Variants in RDX observed in about 807,000 individuals in gnomAD.
RDX encodes the protein deafness, autosomal recessive 24.
In RDX, 32 loss-of-function variants were observed where a neutral mutation model predicts 83.7. The ratio of observed to expected loss-of-function variants is 0.38; its 90% confidence interval spans 0.29 to 0.51. The LOEUF is 0.51. Among genes scored for constraint, RDX ranks in the 20% least tolerant of loss-of-function variants. RDX has a pLI of 0.87. For missense variants in RDX, 600 were observed against 689.9 expected (o/e 0.87, Z 1.46); for synonymous variants, 229 against 222.7 (o/e 1.03, Z -0.25).
chr11:110,231,535 G>A lies in RDX; in HGVS notation c.*334C>T. The A allele has an allele frequency of 3.1e-6, 1 of 325,534 alleles. No homozygotes were observed. Among genetic ancestry groups the A allele is most frequent in the Admixed American group, 4.2e-5 (1 of 23,804 alleles). The allele number at this position is 325,534 out of a possible 1,614,324, so 20.2% of individuals were successfully genotyped here. A position where few individuals can be genotyped will look rare whatever the true frequency, so the allele number is the denominator to read the frequency against. On this transcript the variant is annotated 3_prime_UTR_variant, in exon 14 of 14. Coordinates refer to ENST00000645495, the MANE Select transcript of RDX (RefSeq NM_002906.4). Reference sequence around the variant, plus strand: ...AATGTTCACCATTATCCTTTAAAATGTACACAGAACTGAAACCACACATAC... The same window carrying A: ...AATGTTCACCATTATCCTTTAAAATATACACAGAACTGAAACCACACATAC...
At chr11:110,241,421 G>A (rs537207889) in intron 10 of RDX, among the ~76,000 whole-genome samples, 22 of 151,872 alleles carry the variant, frequency 1.4e-4, no homozygotes, top group African/African-American at 4.3e-4. Flanking sequence ...CTCAGCCTCC[G>A]GAGTAGCTGG....
At chr11:110,252,063 G>A (rs1859361186) in intron 9 of RDX, among the ~76,000 whole-genome samples, 1 of 152,138 alleles carries the variant, frequency 6.6e-6, no homozygotes, top group Non-Finnish European at 1.5e-5. Flanking sequence ...GTAAAGCAGG[G>A]AATAAATGAC....
chr11:110,264,978 G>C, intron 3 of RDX, 104 bp from the exon 4 acceptor site: 1 of 735,074 alleles, frequency 1.4e-6, no homozygotes, highest in South Asian at 1.8e-5. Context: ...GTAAGTATAC[G>C]TATATTCCTT....
intron 15 of RDX, among the ~76,000 whole-genome samples, chr11:110,188,053 G>A (rs1832584097): frequency 6.6e-6 from 1 of 152,168 alleles, no homozygotes; most frequent in South Asian, 2.1e-4. Flanking sequence ...CAGAACTTTG[G>A]GAGGCCGAGG....
chr11:110,199,956 C>A (rs1475296496), intron 14 of RDX, among the ~76,000 whole-genome samples: 3 of 152,140 alleles, frequency 2.0e-5, no homozygotes, highest in African/African-American at 4.8e-5. Flanking sequence ...AGTGCAGCAA[C>A]TCTACACAAG....
At chr11:110,199,105 G>A (rs576855655) in intron 15 of RDX, among the ~76,000 whole-genome samples, 3 of 152,120 alleles carry the variant, frequency 2.0e-5, no homozygotes, top group South Asian at 2.1e-4. Context: ...ATGAGCTACC[G>A]CACCAGGCCT....
At chr11:110,294,030 C>G (rs906026252) in intron 1 of RDX, among the ~76,000 whole-genome samples, 1 of 152,202 alleles carries the variant, frequency 6.6e-6, no homozygotes, top group Non-Finnish European at 1.5e-5. Flanking sequence ...AGATTGAGAA[C>G]TGAAAGCAAA....
At chr11:110,295,987 G>A (rs1194141416) in intron 1 of RDX, among the ~76,000 whole-genome samples, 3 of 152,114 alleles carry the variant, frequency 2.0e-5, no homozygotes, top group African/African-American at 4.8e-5. Context: ...ACTGGAGGCC[G>A]GGGAACAAGT....
Position 110,229,607 on chromosome 11 carries a change from T to C in RDX, c.*2262A>G, listed in dbSNP as rs1864547200. On this transcript the variant is annotated 3_prime_UTR_variant, in exon 14 of 14. Coordinates refer to ENST00000645495, the MANE Select transcript of RDX (RefSeq NM_002906.4). The stretch of plus-strand genomic sequence containing the variant: ...TATTTTTACATTGACTATATGAACA[T>C]GTGCTCGCGACTGCTAATAAGTTAT... 6.6e-6 allele frequency: 1 copy of C among 152,532 alleles called. No individual in the cohort carries two copies. The highest frequency in any genetic ancestry group is 2.1e-4 in the South Asian group (1 of 4,830). 9.4% of individuals were successfully genotyped at this position (152,532 alleles called of 1,614,324 possible).
rs752109745 is a variant in RDX at position 110,236,143 on chromosome 11, C to T, written c.1300G>A (p.Ala434Thr). The change falls in exon 12 of 14, where the codon GCC becomes ACC. Residue 434 changes from alanine to threonine, a missense_variant. Physicochemically the swap from Ala to Thr is moderately conservative, Grantham distance 58 (BLOSUM62 0). Transcript: ENST00000645495. The part of the protein sequence containing the change: ...FTAKIALLEE[A>T]KKKKEEEATE... ...GCTTCCTCTTCCTTTTTCTTCTTGGCTTCCTCTAGAAGTGCAATCTTGGCA... is the reference window on the plus strand; with the variant it reads ...GCTTCCTCTTCCTTTTTCTTCTTGGTTTCCTCTAGAAGTGCAATCTTGGCA... The T allele has an allele frequency of 2.5e-6, 4 of 1,612,434 alleles. No homozygotes were observed. The highest frequency in any genetic ancestry group is 3.4e-6 in the Non-Finnish European group (4 of 1,179,892).
chr11:110,211,945 A>T (rs1863853676), intron 14 of RDX, among the ~76,000 whole-genome samples: 1 of 145,194 alleles, frequency 6.9e-6, no homozygotes, highest in Non-Finnish European at 1.5e-5. Context: ...AAGAGCAAAC[A>T]CATTCAAAAG....
chr11:110,224,047 G>GAA (rs930128420), intron 14 of RDX, among the ~76,000 whole-genome samples: 16 of 152,014 alleles, frequency 1.1e-4, no homozygotes, highest in Admixed American at 1.0e-3. Context: ...AAAAAGAAAA[G>GAA]AAAGAAATCT....
chr11:110,270,968 G>A (rs909061685), intron 3 of RDX, among the ~76,000 whole-genome samples: 7 of 152,028 alleles, frequency 4.6e-5, no homozygotes, highest in South Asian at 2.1e-4. Flanking sequence ...TCACAAACAG[G>A]AGGCACAGAA....
chr11:110,201,860 G>A (rs548488542), intron 14 of RDX, among the ~76,000 whole-genome samples: 2 of 151,164 alleles, frequency 1.3e-5, no homozygotes, highest in Non-Finnish European at 2.9e-5. Context: ...CAGCTTCCCA[G>A]GTAGCTGGGA....
chr11:110,266,897 T>A (rs955366386), intron 3 of RDX, among the ~76,000 whole-genome samples: 3 of 151,270 alleles, frequency 2.0e-5, no homozygotes, highest in Non-Finnish European at 4.4e-5. Flanking sequence ...CCTTGGTTTG[T>A]TTGTTTGTTT....
At chr11:110,205,003 G>A (rs1863551052) in intron 14 of RDX, among the ~76,000 whole-genome samples, 1 of 152,132 alleles carries the variant, frequency 6.6e-6, no homozygotes, top group Non-Finnish European at 1.5e-5. Flanking sequence ...ATCAAGACTT[G>A]TTAAAAAGCA....
At chr11:110,201,904 TG>T (rs2134239580) in intron 14 of RDX, among the ~76,000 whole-genome samples, 1 of 3,150 alleles carries the variant, frequency 3.2e-4, no homozygotes, top group East Asian at 0.015. Context: ...CGGCTAATTT[TG>T]TGTGTGTGTG....
At position 110,237,599 on chromosome 11, in the gene RDX, C is replaced by T. The variant is rs376810025; in HGVS notation, c.1144G>A (p.Ala382Thr). 1.9e-6 allele frequency: 3 copies of T among 1,614,022 alleles called. No individual in the cohort carries two copies. The highest frequency in any genetic ancestry group is 2.2e-5 in the East Asian group (1 of 44,896). Residue 382 changes from alanine to threonine, a missense_variant, in exon 11 of 14, where the codon GCA becomes ACA. By Grantham distance (58) the Ala-to-Thr change is moderately conservative. Transcript: ENST00000645495. The stretch of plus-strand genomic sequence containing the variant: ...TCAAGTCGTTCTGCTTCTTCTTTTG[C>T]TCGTTTTCGTTCTTGATCCAGTTCT... ...ALELDQERKR[A>T]KEEAERLEKE... is the part of the protein sequence containing the mutation.
chr11:110,274,014 AC>A (rs1860406865), intron 2 of RDX, among the ~76,000 whole-genome samples: 1 of 151,902 alleles, frequency 6.6e-6, no homozygotes, highest in African/African-American at 2.4e-5. Context: ...TCTAAATCAG[AC>A]TTCTTATTTC....
Sources: gnomAD v4.1 joint callset for allele counts (sites outside exome capture counted in the v4.1 genomes callset) on GRCh38, gnomAD v4.1.1 for gene constraint, MANE v1.5 for transcripts, NCBI Gene and HGNC (gene_info 2026-07-23, HGNC 2026-07-21) for gene names.